Variants in TLN2 observed in about 807,000 individuals in gnomAD.
TLN2 encodes talin-2.
In TLN2, 118 loss-of-function variants were observed where a neutral mutation model predicts 294.7. That is an observed-to-expected ratio of 0.40 (90% CI 0.34 to 0.47). The LOEUF is 0.47. TLN2 is among the 20% of genes least tolerant of loss of function. The pLI is 0.84. For synonymous variants in TLN2, 1,431 were observed against 1,304.5 expected (o/e 1.10, Z -2.09); for missense variants, 3,083 against 3,282.2 (o/e 0.94, Z 1.48).
At chr15:62,701,837 G>A (rs2058737622) in intron 17 of TLN2, among the ~76,000 whole-genome samples, 155 bp from the exon 18 acceptor site, 1 of 152,206 alleles carries the variant, frequency 6.6e-6, no homozygotes, top group South Asian at 2.1e-4. Flanking sequence ...TCACCTCGGA[G>A]ACAGGGAGCA....
chr15:62,394,884 C>T (rs2032405785), intron 1 of TLN2, among the ~76,000 whole-genome samples: 2 of 152,294 alleles, frequency 1.3e-5, no homozygotes, highest in South Asian at 2.1e-4. Context: ...TGAATTAGGA[C>T]TGGGCTCATT....
chr15:62,785,240 T>C (rs983125289), intron 45 of TLN2, among the ~76,000 whole-genome samples: 2 of 152,206 alleles, frequency 1.3e-5, no homozygotes, highest in Non-Finnish European at 1.5e-5. Context: ...GCCTATCATT[T>C]TTTTTTTAAA....
intron 22 of TLN2, among the ~76,000 whole-genome samples, chr15:62,714,162 G>A (rs76458475): frequency 1.4e-5 from 2 of 146,990 alleles, no homozygotes; most frequent in East Asian, 2.0e-4. Flanking sequence ...TGCCACATAA[G>A]CAGTATTGAG....
chr15:62,636,160 C>CAGA (rs2050359867), intron 3 of TLN2, among the ~76,000 whole-genome samples: 1 of 152,014 alleles, frequency 6.6e-6, no homozygotes, highest in Non-Finnish European at 1.5e-5. Flanking sequence ...TTCTTACATT[C>CAGA]AGAAGGATGG....
intron 1 of TLN2, among the ~76,000 whole-genome samples, chr15:62,580,163 T>A (rs1372278154): frequency 6.6e-6 from 1 of 152,190 alleles, no homozygotes; most frequent in Non-Finnish European, 1.5e-5. Context: ...CTCTGTATTT[T>A]AAAAAATATT....
intron 44 of TLN2, among the ~76,000 whole-genome samples, chr15:62,782,866 C>T (rs1212777139): frequency 6.6e-6 from 1 of 152,156 alleles, no homozygotes; most frequent in Non-Finnish European, 1.5e-5. Context: ...AAGAAAGAGA[C>T]AGTATTGTTA....
At chr15:62,660,358 G>A (rs2053678418) in intron 9 of TLN2, among the ~76,000 whole-genome samples, 2 of 152,126 alleles carry the variant, frequency 1.3e-5, no homozygotes, top group Admixed American at 6.5e-5. Flanking sequence ...AGAGTTTTCA[G>A]GGATTTAAGG....
At chr15:62,648,828 C>T (rs915485496) in intron 4 of TLN2, among the ~76,000 whole-genome samples, 6 of 152,098 alleles carry the variant, frequency 3.9e-5, no homozygotes, top group South Asian at 2.1e-4. Flanking sequence ...GGATTACAGA[C>T]GTGAGCCACC....
At chr15:62,632,631 T>C (rs923129205) in intron 3 of TLN2, among the ~76,000 whole-genome samples, 1 of 152,232 alleles carries the variant, frequency 6.6e-6, no homozygotes, top group African/African-American at 2.4e-5. Context: ...TTCCATCTTG[T>C]TTATTCCCTG....
intron 54 of TLN2, chr15:62,830,980 G>GA (rs1252645580): frequency 6.7e-6 from 1 of 149,828 alleles, no homozygotes; most frequent in Non-Finnish European, 1.5e-5. Context: ...GCCATTACCA[G>GA]AAAAATCTGT....
intron 1 of TLN2, among the ~76,000 whole-genome samples, chr15:62,580,617 C>G (rs1460935963): frequency 6.6e-6 from 1 of 151,818 alleles, no homozygotes; most frequent in South Asian, 2.1e-4. Context: ...TGCCATGTTG[C>G]CCAGGCTAGT....
intron 25 of TLN2, among the ~76,000 whole-genome samples, chr15:62,720,450 C>T (rs552518176): frequency 1.3e-4 from 20 of 152,244 alleles, no homozygotes; most frequent in African/African-American, 4.6e-4. Flanking sequence ...CACTTTTTCT[C>T]GACTTGTATC....
At chr15:62,723,807 C>T (rs991069217) in intron 26 of TLN2, among the ~76,000 whole-genome samples, 1 of 151,700 alleles carries the variant, frequency 6.6e-6, no homozygotes, top group Admixed American at 6.5e-5. Context: ...ACTTGAGCCT[C>T]CCAAAGTGTT....
chr15:62,423,666 C>T (rs1468239988), intron 1 of TLN2, among the ~76,000 whole-genome samples: 4 of 151,906 alleles, frequency 2.6e-5, no homozygotes, highest in African/African-American at 7.3e-5. Context: ...CTGCAATATC[C>T]GTCTCCTGGG....
At chr15:62,664,885 A>G (rs990640538) in intron 9 of TLN2, among the ~76,000 whole-genome samples, 1 of 141,962 alleles carries the variant, frequency 7.0e-6, no homozygotes, top group African/African-American at 2.6e-5. Flanking sequence ...AAAAGTGGCT[A>G]CCTAATAAAG....
At chr15:62,655,810 TAAGAA>T (rs1323055032) in intron 7 of TLN2, 129 bp from the exon 8 acceptor site, 1 of 1,062,344 alleles carries the variant, frequency 9.4e-7, no homozygotes, top group Non-Finnish European at 1.3e-6. Context: ...AGTTCTAAAA[TAAGAA>T]ATAACTATAA....
intron 32 of TLN2, among the ~76,000 whole-genome samples, chr15:62,745,789 T>C (rs955088074): frequency 6.6e-6 from 1 of 152,244 alleles, no homozygotes; most frequent in South Asian, 2.1e-4. Context: ...TTGTTTTTCA[T>C]TGTCAAATTT....
chr15:62,597,716 T>G (rs2046651107), intron 2 of TLN2, among the ~76,000 whole-genome samples: 1 of 152,166 alleles, frequency 6.6e-6, no homozygotes, highest in Non-Finnish European at 1.5e-5. Flanking sequence ...TTTTTCCAGA[T>G]TTTTGGAATA....
At chr15:62,667,162 T>G (rs1361346515) in intron 9 of TLN2, among the ~76,000 whole-genome samples, 4 of 152,084 alleles carry the variant, frequency 2.6e-5, no homozygotes, top group Admixed American at 6.5e-5. Context: ...GAGACGGGGT[T>G]TCACCATGTT....
Sources: gnomAD v4.1 joint callset for allele counts (sites outside exome capture counted in the v4.1 genomes callset) on GRCh38, gnomAD v4.1.1 for gene constraint, MANE v1.5 for transcripts, NCBI Gene and HGNC (gene_info 2026-07-23, HGNC 2026-07-21) for gene names.